The following RIC3 variants were observed in gnomAD, a reference collection of about 807,000 sequenced individuals.
RIC3 encodes the protein protein RIC-3.
Under a neutral mutation model 27.3 loss-of-function variants are expected in RIC3, and 28 were observed. The ratio of observed to expected loss-of-function variants is 1.02; its 90% CI spans 0.76 to 1.41. The LOEUF is 1.41. Ranked by LOEUF, RIC3 falls within the 40% of genes most tolerant of loss-of-function variation. RIC3 has a pLI of 0.00. For synonymous variants in RIC3, 184 were observed against 160.4 expected, an observed-to-expected ratio of 1.15 and a Z score of -1.11; for missense variants, 501 against 444.7, an observed-to-expected ratio of 1.13 and a Z score of -1.14.
At chr11:8,098,953 T>G in the RIC3 span, 1 of 1,058,070 alleles carries the variant, frequency 9.5e-7, no homozygotes, top group Non-Finnish European at 1.5e-6. Context: ...CTAGGGGCTA[T>G]CCCATCCATC....
chr11:8,098,946 G>C, the RIC3 span: 11 of 1,123,856 alleles, frequency 9.8e-6, no homozygotes, highest in African/African-American at 1.2e-4. Flanking sequence ...GCCTGATCTA[G>C]GGGCTATCCC....
chr11:8,125,856 T>C (rs1463273117), intron 5 of RIC3, among the ~76,000 whole-genome samples: 3 of 152,094 alleles, frequency 2.0e-5, no homozygotes, highest in African/African-American at 4.8e-5. Context: ...CTGGCCAACA[T>C]GGTGAAACTC....
intron 1 of RIC3, among the ~76,000 whole-genome samples, chr11:8,151,362 CG>C (rs1349916971): frequency 6.6e-6 from 1 of 151,568 alleles, no homozygotes. Context: ...CCGAGACGGG[CG>C]GATCACGAGG....
intron 1 of RIC3, among the ~76,000 whole-genome samples, chr11:8,167,265 A>T (rs553649539): frequency 2.9e-3 from 436 of 152,352 alleles, no homozygotes; most frequent in Non-Finnish European, 4.8e-3. Flanking sequence ...AAAACAAACA[A>T]GTAAACACTT....
intron 5 of RIC3, among the ~76,000 whole-genome samples, chr11:8,124,485 G>A (rs961755235): frequency 7.9e-5 from 12 of 152,160 alleles, no homozygotes; most frequent in African/African-American, 2.2e-4. Context: ...AAGATTCAAA[G>A]CAGTACCAAT....
chr11:8,155,542 C>A (rs1303243286), intron 1 of RIC3, among the ~76,000 whole-genome samples: 2 of 152,066 alleles, frequency 1.3e-5, no homozygotes, highest in Admixed American at 1.3e-4. Context: ...CGCCACTGCA[C>A]TCCAGCGTAG....
intron 5 of RIC3, among the ~76,000 whole-genome samples, chr11:8,120,936 A>G (rs115759497): frequency 0.019 from 2,969 of 152,288 alleles, 98 homozygotes; most frequent in African/African-American, 0.066. Flanking sequence ...CAGGTGAAAA[A>G]TATGTACAGA....
chr11:8,112,266 T>C (rs974547986), intron 5 of RIC3, among the ~76,000 whole-genome samples: 1 of 149,896 alleles, frequency 6.7e-6, no homozygotes, highest in African/African-American at 2.5e-5. Context: ...TATATACACA[T>C]ATATTTTCTT....
intron 4 of RIC3, among the ~76,000 whole-genome samples, chr11:8,129,533 G>A (rs1176802461): frequency 6.6e-6 from 1 of 151,986 alleles, no homozygotes; most frequent in Admixed American, 6.6e-5. Flanking sequence ...TCAGGATCGT[G>A]AGCAACTGCA....
intron 1 of RIC3, among the ~76,000 whole-genome samples, chr11:8,146,342 A>G (rs1949675978): frequency 6.6e-6 from 1 of 152,248 alleles, no homozygotes; most frequent in African/African-American, 2.4e-5. Flanking sequence ...TAATCTTTCA[A>G]GCAAATATGT....
chr11:8,141,984 C>G (rs1296297395), intron 1 of RIC3, among the ~76,000 whole-genome samples: 1 of 150,954 alleles, frequency 6.6e-6, no homozygotes, highest in Non-Finnish European at 1.5e-5. Context: ...CCAACGAGAA[C>G]AAAGACACAA....
chr11:8,101,610 G>A (rs186542220), downstream of RIC3: 207 of 1,614,228 alleles, frequency 1.3e-4, no homozygotes, highest in East Asian at 7.1e-4. Flanking sequence ...GCAAGCTGGC[G>A]TGCGAGTAGA....
chr11:8,139,520 T>G (rs1948798605), intron 2 of RIC3: 1 of 163,784 alleles, frequency 6.1e-6, no homozygotes, highest in African/African-American at 2.4e-5. Context: ...ACAAGCAGGA[T>G]AAAGTGGTGT....
the RIC3 span, chr11:8,098,743 G>T: frequency 6.3e-7 from 1 of 1,592,310 alleles, no homozygotes; most frequent in African/African-American, 1.3e-5. Context: ...TATACTGATT[G>T]TGCCTTTATT....
chr11:8,148,907 G>A lies in RIC3; in HGVS notation c.125-8714C>T, dbSNP rs542440185. Among the ~76,000 whole-genome samples, 50 of 151,672 alleles carry A rather than the reference G, an allele frequency of 3.3e-4. 2 individuals carry two copies. The South Asian group carries it at 7.7e-3, about 24-fold the overall frequency. On this transcript the variant is annotated intron_variant, in intron 1 of 5. Coordinates refer to ENST00000309737, the MANE Select transcript of RIC3 (RefSeq NM_001206671.4). The stretch of plus-strand genomic sequence containing the variant: ...TAAAAAAAAGAGGAGTTGGCTGGGC[G>A]CAGTGGCTCACACCTGTAATCCCAG...
chr11:8,139,954 T>A lies in RIC3; in HGVS notation c.351+13A>T, dbSNP rs769299880. The A allele has an allele frequency of 1.3e-6, 2 of 1,599,892 alleles. No individual in the cohort carries two copies. The highest frequency in any genetic ancestry group is 2.7e-5 in the African/African-American group (2 of 74,564). ...TTTCATTGATGTAATATGATTAGGA[T>A]GATTCTACTTACCTTAAATAGAATG... On this transcript the variant is annotated intron_variant, in intron 2 of 5. Transcript: ENST00000309737.
chr11:8,124,105 G>GCAAGCAAGCAAGCAAGCAAGCAAACA lies in RIC3; in HGVS notation c.670+2553_670+2554insTGTTTGCTTGCTTGCTTGCTTGCTTG, dbSNP rs1554952148. Among the ~76,000 whole-genome samples, 27 of 147,496 alleles carry GCAAGCAAGCAAGCAAGCAAGCAAACA rather than the reference G, an allele frequency of 1.8e-4. No individual in the cohort carries two copies. In the South Asian group the frequency reaches 4.8e-3, roughly 26 times the overall value. ...AAAGAAAGAAAAAGAAAAAGAAAAA[G>GCAAGCAAGCAAGCAAGCAAGCAAACA]AGAAAGCAAGCAAGCAAGCAAGCAA... On this transcript the variant is annotated intron_variant, in intron 5 of 5. Coordinates refer to ENST00000309737, the MANE Select transcript of RIC3 (RefSeq NM_001206671.4).
At chr11:8,096,616 A>C in the RIC3 span, 6 of 1,029,510 alleles carry the variant, frequency 5.8e-6, no homozygotes, top group Non-Finnish European at 9.2e-6. Flanking sequence ...TGAGTATGTG[A>C]CCATGTGTAT....
At chr11:8,154,596 C>G (rs539401506) in intron 1 of RIC3, among the ~76,000 whole-genome samples, 2 of 152,096 alleles carry the variant, frequency 1.3e-5, no homozygotes, top group African/African-American at 4.8e-5. Context: ...ATGTATAGCT[C>G]TAGTTGATTC....
Sources: allele counts gnomAD v4.1 joint callset (sites outside exome capture counted in the v4.1 genomes callset), GRCh38; gene constraint gnomAD v4.1.1; transcripts MANE v1.5; gene names NCBI Gene and HGNC (gene_info 2026-07-23, HGNC 2026-07-21).